The following GRIK2 variants were observed in gnomAD, a reference collection of about 807,000 sequenced individuals.
GRIK2 encodes glutamate ionotropic receptor kainate type subunit 2, also known as glutamate receptor ionotropic, kainate 2.
Under a neutral mutation model 100.3 loss-of-function variants are expected in GRIK2, and 32 were observed. The ratio of observed to expected loss-of-function variants is 0.32; its 90% CI spans 0.24 to 0.43. The LOEUF is 0.43. GRIK2 is among the 20% of genes least tolerant of loss of function. The pLI is 1.00. For synonymous variants in GRIK2, 417 were observed against 389.4 expected (o/e 1.07, Z -0.83); for missense variants, 843 against 1,114.9 (o/e 0.76, Z 3.47).
chr6:101,437,890 G>A (rs913376211), intron 2 of GRIK2, among the ~76,000 whole-genome samples: 6 of 152,000 alleles, frequency 3.9e-5, no homozygotes, highest in African/African-American at 1.2e-4. Flanking sequence ...TTGTTCCCTC[G>A]ATGATCTTAT....
At chr6:101,633,738 AATACAC>A (rs1018901500) in intron 4 of GRIK2, among the ~76,000 whole-genome samples, 1 of 152,158 alleles carries the variant, frequency 6.6e-6, no homozygotes, top group African/African-American at 2.4e-5. Context: ...TTTCTCTACA[AATACAC>A]ATACACATAC....
At chr6:101,626,287 A>G in intron 3 of GRIK2, 93 bp from the exon 4 acceptor site, 2 of 1,126,170 alleles carry the variant, frequency 1.8e-6, no homozygotes, top group Non-Finnish European at 2.5e-6. Flanking sequence ...TTTCTTGAGA[A>G]TGATACCTTT....
At chr6:101,407,272 A>G (rs1271392871) in intron 2 of GRIK2, among the ~76,000 whole-genome samples, 11 of 152,146 alleles carry the variant, frequency 7.2e-5, no homozygotes, top group Non-Finnish European at 4.4e-5. Flanking sequence ...AATGAAAACT[A>G]TAGAATCCTG....
At chr6:101,678,253 C>T (rs1770985106) in intron 5 of GRIK2, among the ~76,000 whole-genome samples, 2 of 152,052 alleles carry the variant, frequency 1.3e-5, no homozygotes, top group African/African-American at 4.8e-5. Context: ...AGCCTGTCAC[C>T]TTTAAATTTG....
At chr6:101,526,662 A>C (rs1775171659) in intron 2 of GRIK2, among the ~76,000 whole-genome samples, 1 of 152,196 alleles carries the variant, frequency 6.6e-6, no homozygotes, top group Non-Finnish European at 1.5e-5. Context: ...GCTGCCTGTC[A>C]CTTCTTACCA....
chr6:101,583,882 C>T (rs1198916372), intron 2 of GRIK2, among the ~76,000 whole-genome samples: 10 of 152,014 alleles, frequency 6.6e-5, no homozygotes, highest in African/African-American at 2.4e-4. Context: ...TAATAAATTG[C>T]TTACTCTGGC....
At chr6:101,825,986 C>A (rs1782300610) in intron 10 of GRIK2, among the ~76,000 whole-genome samples, 1 of 152,082 alleles carries the variant, frequency 6.6e-6, no homozygotes, top group Admixed American at 6.6e-5. Context: ...ATGCATCAAA[C>A]CTCCTTCTTT....
chr6:101,688,581 C>T (rs763741846), intron 7 of GRIK2, among the ~76,000 whole-genome samples: 5 of 151,974 alleles, frequency 3.3e-5, no homozygotes, highest in Middle Eastern at 3.4e-3. Flanking sequence ...CTTTCTAGCA[C>T]GAGTCTATTC....
At chr6:101,883,352 A>G (rs1477790239) in intron 11 of GRIK2, among the ~76,000 whole-genome samples, 1 of 151,036 alleles carries the variant, frequency 6.6e-6, no homozygotes, top group Non-Finnish European at 1.5e-5. Context: ...GGGTAGAATT[A>G]CCATGTGCAA....
chr6:101,853,542 A>T (rs1362491407), intron 10 of GRIK2, among the ~76,000 whole-genome samples: 1 of 152,146 alleles, frequency 6.6e-6, no homozygotes, highest in Non-Finnish European at 1.5e-5. Flanking sequence ...TTCTTTCAAA[A>T]CTAAGCATAC....
chr6:101,751,670 A>G (rs1306055664), intron 7 of GRIK2, among the ~76,000 whole-genome samples: 1 of 152,178 alleles, frequency 6.6e-6, no homozygotes, highest in Non-Finnish European at 1.5e-5. Context: ...CAATAGGTTG[A>G]CATTATTTTA....
At position 102,068,245 on chromosome 6, in the gene GRIK2, G is replaced by A; in HGVS notation, c.2563-102G>A. 3 of 795,352 alleles carry A rather than the reference G, an allele frequency of 3.8e-6. No homozygotes were observed. In the South Asian group the frequency reaches 6.3e-5, roughly 17 times the overall value. 49.3% of individuals were successfully genotyped at this position (795,352 alleles called of 1,614,324 possible). ...CAATGAAAATTTTCAAACCTTCAAGGATGTTATGTGACAAGTCTGTTGAGG... is the reference window on the plus strand; with the variant it reads ...CAATGAAAATTTTCAAACCTTCAAGAATGTTATGTGACAAGTCTGTTGAGG... On this transcript the variant is annotated intron_variant, in intron 16 of 16. Transcript: ENST00000369134.
At chr6:101,554,270 T>C (rs1364994363) in intron 2 of GRIK2, among the ~76,000 whole-genome samples, 1 of 152,208 alleles carries the variant, frequency 6.6e-6, no homozygotes, top group African/African-American at 2.4e-5. Context: ...CCAAAGCTCC[T>C]GAAGTTCGTG....
chr6:101,466,080 A>C (rs1771631088), intron 2 of GRIK2, among the ~76,000 whole-genome samples: 1 of 152,168 alleles, frequency 6.6e-6, no homozygotes, highest in Admixed American at 6.5e-5. Flanking sequence ...TATGGTTCAC[A>C]CTTATTCAGT....
intron 14 of GRIK2, among the ~76,000 whole-genome samples, chr6:101,965,789 G>A (rs1792632114): frequency 6.6e-6 from 1 of 151,644 alleles, no homozygotes; most frequent in Admixed American, 6.6e-5. Flanking sequence ...AAGTATAGGA[G>A]GTAGGAGGAA....
intron 2 of GRIK2, among the ~76,000 whole-genome samples, chr6:101,553,987 C>T (rs1006006848): frequency 1.3e-5 from 2 of 152,192 alleles, no homozygotes; most frequent in Non-Finnish European, 2.9e-5. Flanking sequence ...GGCCACTTCC[C>T]TGTCCATAGT....
chr6:101,588,937 C>T (rs1480463091), intron 2 of GRIK2, among the ~76,000 whole-genome samples: 2 of 152,000 alleles, frequency 1.3e-5, no homozygotes, highest in East Asian at 3.9e-4. Context: ...ACAAAAATGG[C>T]ACAATGTAAG....
At chr6:101,401,969 C>T (rs964282698) in intron 2 of GRIK2, among the ~76,000 whole-genome samples, 1 of 152,106 alleles carries the variant, frequency 6.6e-6, no homozygotes, top group African/African-American at 2.4e-5. Context: ...GCCTCCGCCG[C>T]GGCGCTATGG....
intron 12 of GRIK2, among the ~76,000 whole-genome samples, chr6:101,917,898 G>A (rs1194081047): frequency 6.6e-6 from 1 of 150,742 alleles, no homozygotes; most frequent in Non-Finnish European, 1.5e-5. Flanking sequence ...AAAATAGTAT[G>A]TAATGAAAAA....
Sources: gnomAD v4.1 joint callset for allele counts (sites outside exome capture counted in the v4.1 genomes callset) on GRCh38, gnomAD v4.1.1 for gene constraint, MANE v1.5 for transcripts, NCBI Gene and HGNC (gene_info 2026-07-23, HGNC 2026-07-21) for gene names.